The following ABCC10 variants were observed in gnomAD, a reference collection of about 807,000 sequenced individuals.
ABCC10 encodes the protein ATP binding cassette subfamily C member 10.
Under a neutral mutation model 143.2 loss-of-function variants are expected in ABCC10, and 110 were observed. That is an observed-to-expected ratio of 0.77 (90% CI 0.66 to 0.90). The LOEUF (loss-of-function observed/expected upper bound fraction) is 0.90, where lower values mean the gene tolerates loss of function less well. Among genes scored for constraint, ABCC10 ranks in the 40% least tolerant of loss-of-function variants. The pLI is 0.00. For missense variants in ABCC10, 1,700 were observed against 1,900.5 expected (o/e 0.89, Z 1.96); for synonymous variants, 805 against 846.7 (o/e 0.95, Z 0.85).
chr6:43,448,090 G>A lies in ABCC10; in HGVS notation c.3959+153G>A, dbSNP rs544293306. The A allele has an allele frequency of 8.5e-4, 1,044 of 1,221,378 alleles. 2 individuals are homozygous for A. Among genetic ancestry groups the A allele is most frequent in the Non-Finnish European group, 1.1e-3 (955 of 859,756 alleles). 75.7% of individuals were successfully genotyped at this position (1,221,378 alleles called of 1,614,324 possible). ...GACAGGATGAGCAGGCAAGGACAGC[G>A]AACTCCTAGTGCCCAGGTCCAGATT... On this transcript the variant is annotated intron_variant, in intron 18 of 21. Transcript: ENST00000372530.
chr6:43,434,525 A>G, intron 3 of ABCC10, 96 bp from the exon 4 acceptor site: 1 of 1,135,520 alleles, frequency 8.8e-7, no homozygotes, highest in Non-Finnish European at 1.3e-6. Flanking sequence ...AGCTTAGAGT[A>G]CTGAACATTC....
chr6:43,450,189 C>G lies in ABCC10; in HGVS notation c.*98C>G. On this transcript the variant is annotated 3_prime_UTR_variant, in exon 22 of 22. Coordinates refer to ENST00000372530, the MANE Select transcript of ABCC10 (RefSeq NM_001198934.2). This position sits in a 1 kb window ranked among gnomAD's most constrained non-coding sequence, Gnocchi z 4.5. ...CTTGTTTACATTCTCCTCTGGGGCTCTACCTCTCCACACTTCCCCAGAAGG... is the reference window on the plus strand; with the variant it reads ...CTTGTTTACATTCTCCTCTGGGGCTGTACCTCTCCACACTTCCCCAGAAGG... 1 of 1,385,164 alleles carries G rather than the reference C, an allele frequency of 7.2e-7. No individual in the cohort carries two copies. The highest frequency in any genetic ancestry group is 9.8e-7 in the Non-Finnish European group (1 of 1,018,082). The allele number at this position is 1,385,164 out of a possible 1,614,324, so 85.8% of individuals were successfully genotyped here. A position where few individuals can be genotyped will look rare whatever the true frequency, so the allele number is the denominator to read the frequency against.
rs780696463 is a variant in ABCC10 at position 43,441,964 on chromosome 6, A to G, written c.2226+4A>G. On this transcript the variant is annotated splice_donor_region_variant and intron_variant, in intron 9 of 21. Coordinates refer to ENST00000372530, the MANE Select transcript of ABCC10 (RefSeq NM_001198934.2). The stretch of plus-strand genomic sequence containing the variant: ...CCTTGCTCGTGCTGTCTACCAGGTC[A>G]GTTAAAGATGGAGGTTGCAGTGGCA... 6.2e-7 allele frequency: 1 copy of G among 1,613,326 alleles called. No individual in the cohort carries two copies. Among genetic ancestry groups the G allele is most frequent in the Non-Finnish European group, 8.5e-7 (1 of 1,179,488 alleles).
intron 2 of ABCC10, among the ~76,000 whole-genome samples, chr6:43,431,135 G>T (rs558063625): frequency 2.4e-4 from 36 of 152,208 alleles, no homozygotes; most frequent in African/African-American, 8.2e-4. Flanking sequence ...TTAGCTAAAG[G>T]AGTCGCAAAA....
At chr6:43,449,320 T>C in intron 20 of ABCC10, 102 bp from the exon 21 acceptor site, 1 of 1,492,782 alleles carries the variant, frequency 6.7e-7, no homozygotes, top group South Asian at 1.2e-5. Context: ...CTTTTAGAGC[T>C]GGAAGTGGGG....
Position 43,444,012 on chromosome 6 carries a change from T to A in ABCC10, c.2494+2T>A. The A allele has an allele frequency of 1.2e-6, 2 of 1,613,848 alleles. No homozygotes were observed. Among genetic ancestry groups the A allele is most frequent in the Non-Finnish European group, 1.7e-6 (2 of 1,179,698 alleles). ...AGAATGGACAAGAGTCTGACTCAGG[T>A]ATGGCTCCCCAGTGGGAGAAAAGGG... On this transcript the variant is annotated splice_donor_variant, in intron 11 of 21. Coordinates refer to ENST00000372530, the MANE Select transcript of ABCC10 (RefSeq NM_001198934.2). LOFTEE classifies it high-confidence loss of function.
At chr6:43,448,758 G>A (rs1376691875) in intron 18 of ABCC10, 123 bp from the exon 19 acceptor site, 2 of 1,203,898 alleles carry the variant, frequency 1.7e-6, no homozygotes, top group African/African-American at 3.1e-5. Flanking sequence ...GGAGCAGAGT[G>A]GGGTTATGTT....
chr6:43,428,548 C>T (rs561870478), intron 2 of ABCC10, among the ~76,000 whole-genome samples: 7 of 152,280 alleles, frequency 4.6e-5, no homozygotes, highest in African/African-American at 1.4e-4. Flanking sequence ...ACCACTGCAA[C>T]CCATGAAACC....
chr6:43,444,152 C>G lies in ABCC10; in HGVS notation c.2495-7C>G, dbSNP rs370605534. ...CTTAATTCTTCCATGACCCCTGATT[C>G]TCACAGCCACAGCCCAGTCAGTACA... On this transcript the variant is annotated splice_polypyrimidine_tract_variant and splice_region_variant and intron_variant, in intron 11 of 21. Coordinates refer to ENST00000372530, the MANE Select transcript of ABCC10 (RefSeq NM_001198934.2). 33 of 1,611,134 alleles carry G rather than the reference C, an allele frequency of 2.0e-5. No individual in the cohort carries two copies. The highest frequency in any genetic ancestry group is 2.6e-5 in the Non-Finnish European group (31 of 1,177,980).
Position 43,448,040 on chromosome 6 carries a change from G to A in ABCC10, c.3959+103G>A, listed in dbSNP as rs776885981. 2.6e-6 allele frequency: 4 copies of A among 1,529,362 alleles called. No homozygotes were observed. In the South Asian group the frequency reaches 4.7e-5, roughly 18 times the overall value. The allele number at this position is 1,529,362 out of a possible 1,614,324, so 94.7% of individuals were successfully genotyped here. On this transcript the variant is annotated intron_variant, in intron 18 of 21. Transcript: ENST00000372530. ...CTTTATATAAACTCACAGCAGCCAG[G>A]GCTGATCAGGGGGCTGAAATGGAGG...
At chr6:43,429,727 A>G (rs1393921733) in intron 2 of ABCC10, among the ~76,000 whole-genome samples, 3 of 152,162 alleles carry the variant, frequency 2.0e-5, no homozygotes, top group African/African-American at 7.2e-5. Flanking sequence ...TAAAAATACA[A>G]AAAATTGGCC....
Position 43,432,754 on chromosome 6 carries a change from C to G in ABCC10, c.774C>G (p.Tyr258Ter), listed in dbSNP as rs1176500477. Residue 258 changes from tyrosine (Y) to a stop codon, truncating the protein, a stop_gained, in exon 3 of 22, where the codon TAC becomes TAG. Coordinates refer to ENST00000372530, the MANE Select transcript of ABCC10 (RefSeq NM_001198934.2). LOFTEE classifies it high-confidence loss of function. ...TCCCCCACAGACTGCAGCCAACCTACCTGGCTCGTGTCTTCCAGGCACACT... is the reference window on the plus strand; with the variant it reads ...TCCCCCACAGACTGCAGCCAACCTAGCTGGCTCGTGTCTTCCAGGCACACT... ...CRLPHRLQPT[Y>*]LARVFQAHWQ... 1.2e-6 allele frequency: 2 copies of G among 1,614,204 alleles called. No individual in the cohort carries two copies. Among genetic ancestry groups the G allele is most frequent in the Admixed American group, 3.3e-5 (2 of 60,034 alleles).
intron 8 of ABCC10, among the ~76,000 whole-genome samples, chr6:43,439,107 C>A (rs1782055438): frequency 6.6e-6 from 1 of 152,116 alleles, no homozygotes; most frequent in Non-Finnish European, 1.5e-5. Flanking sequence ...ACCCACTTCC[C>A]ACTGGGAAGG....
At chr6:43,445,370 T>A in intron 14 of ABCC10, 56 bp downstream of exon 14, 1 of 1,551,170 alleles carries the variant, frequency 6.4e-7, no homozygotes, top group Non-Finnish European at 8.8e-7. Context: ...CTGTGGAGTG[T>A]CCTCCCAATA....
chr6:43,436,099 G>A (rs151081930), intron 5 of ABCC10, 39 bp from the exon 6 acceptor site: 75 of 1,613,732 alleles, frequency 4.6e-5, no homozygotes, highest in Non-Finnish European at 5.8e-5. Context: ...ACAGATTGTG[G>A]TAGATTAGGA....
chr6:43,446,451 C>G lies in ABCC10; in HGVS notation c.3544+5C>G, dbSNP rs1581783718. ...AGCAGGGCCTCGCTAACCCAGGTGC[C>G]ACCCAGGACCCCTCACCCCTACCTC... On this transcript the variant is annotated splice_donor_5th_base_variant and intron_variant, in intron 16 of 21. Transcript: ENST00000372530. 1 of 1,607,958 alleles carries G rather than the reference C, an allele frequency of 6.2e-7. No homozygotes were observed. The highest frequency in any genetic ancestry group is 2.2e-5 in the East Asian group (1 of 44,818).
chr6:43,445,708 TGGCCAAC>T lies in ABCC10; in HGVS notation c.3142_3148del (p.Ala1048ArgfsTer25). 6.2e-7 allele frequency: 1 copy of T among 1,614,238 alleles called. No homozygotes were observed. The highest frequency in any genetic ancestry group is 8.5e-7 in the Non-Finnish European group (1 of 1,180,052). On this transcript the variant is annotated frameshift_variant, in exon 15 of 22. Coordinates refer to ENST00000372530, the MANE Select transcript of ABCC10 (RefSeq NM_001198934.2). LOFTEE classifies it high-confidence loss of function. ...CTGCCCTTCATCCTCAACATCCTCC[TGGCCAAC>T]GCGGCAGGCCTGCTGGGGCTCCTGG... is the stretch of plus-strand genomic sequence containing the variant.
chr6:43,444,085 C>T (rs1321488517), intron 11 of ABCC10, 74 bp from the exon 12 acceptor site: 14 of 1,608,554 alleles, frequency 8.7e-6, no homozygotes, highest in Non-Finnish European at 1.1e-5. Context: ...AACGGCTGCC[C>T]GCTCCTCTGA....
chr6:43,440,881 A>C (rs1239577357), intron 8 of ABCC10, among the ~76,000 whole-genome samples: 1 of 132,218 alleles, frequency 7.6e-6, no homozygotes, highest in Non-Finnish European at 1.7e-5. Flanking sequence ...AAAAAATACC[A>C]GACCACCCAG....
Sources: allele counts gnomAD v4.1 joint callset (sites outside exome capture counted in the v4.1 genomes callset), GRCh38; gene constraint gnomAD v4.1.1; non-coding constraint Gnocchi (gnomAD v3.1); transcripts MANE v1.5; gene names NCBI Gene and HGNC (gene_info 2026-07-23, HGNC 2026-07-21).